EIF4B: variants seen among roughly 807,000 people sequenced by gnomAD.
The protein encoded by EIF4B is eukaryotic translation initiation factor 4B.
EIF4B carries 8 observed loss-of-function variants against 79.3 expected under a neutral mutation model. That is an observed-to-expected ratio of 0.10 (90% CI 0.06 to 0.18). EIF4B has a LOEUF of 0.18. EIF4B is among the 10% of genes least tolerant of loss of function. The probability of loss-of-function intolerance (pLI) is 1.00; values close to 1 mark genes in which losing one functional copy is unlikely to be tolerated. For missense variants in EIF4B, 515 were observed against 792.4 expected, an observed-to-expected ratio of 0.65 and a Z score of 4.20; for synonymous variants, 238 against 274.7, an observed-to-expected ratio of 0.87 and a Z score of 1.32.
At chr12:53,025,306 C>T (rs1266946587) in intron 6 of EIF4B, 2 of 450,348 alleles carry the variant, frequency 4.4e-6, no homozygotes, top group Non-Finnish European at 8.9e-6. Flanking sequence ...ACTTTTCTCA[C>T]CTGAAACCTT....
chr12:53,020,615 T>C (rs1943232996), intron 4 of EIF4B, among the ~76,000 whole-genome samples: 1 of 152,134 alleles, frequency 6.6e-6, no homozygotes, highest in South Asian at 2.1e-4. Flanking sequence ...CTCCTTTAAC[T>C]CCAAAAACAC....
chr12:53,038,778 C>T, intron 12 of EIF4B: 1 of 164,148 alleles, frequency 6.1e-6, no homozygotes, highest in Admixed American at 6.3e-5. Flanking sequence ...GATGGCCCCA[C>T]TGCACTCCAG....
intron 8 of EIF4B, among the ~76,000 whole-genome samples, chr12:53,031,085 G>T (rs1943436393): frequency 6.6e-6 from 1 of 152,008 alleles, no homozygotes; most frequent in African/African-American, 2.4e-5. Flanking sequence ...CCACGTTACT[G>T]GCCATTGCCT....
intron 6 of EIF4B, chr12:53,025,376 C>G (rs1479740440): frequency 2.6e-6 from 1 of 377,746 alleles, no homozygotes; most frequent in Non-Finnish European, 5.2e-6. Context: ...CAAAGCTGCC[C>G]CAAAGTCAAC....
At chr12:53,014,406 C>CCCT (rs1943115364) in intron 1 of EIF4B, among the ~76,000 whole-genome samples, 2 of 150,034 alleles carry the variant, frequency 1.3e-5, no homozygotes, top group South Asian at 4.2e-4. Flanking sequence ...AAGCGAGACT[C>CCCT]CGTCTCAAAA....
intron 6 of EIF4B, among the ~76,000 whole-genome samples, chr12:53,024,803 G>A (rs541212916): frequency 4.0e-5 from 6 of 151,896 alleles, no homozygotes; most frequent in Non-Finnish European, 7.4e-5. Context: ...TTACAGATGC[G>A]CACCACCACA....
rs776528862 is a variant in EIF4B, at chr12:53,040,274, C to T, written c.*51C>T. 37 of 1,497,660 alleles carry T rather than the reference C, an allele frequency of 2.5e-5. No individual in the cohort carries two copies. The highest frequency in any genetic ancestry group is 8.5e-5 in the Admixed American group (5 of 58,512). The allele number at this position is 1,497,660 out of a possible 1,614,324, so 92.8% of individuals were successfully genotyped here. A position where few individuals can be genotyped will look rare whatever the true frequency, so the allele number is the denominator to read the frequency against. On this transcript the variant is annotated 3_prime_UTR_variant, in exon 15 of 15. Transcript: ENST00000262056. ...TAGTTTCTCTCCACCCTGGAACATT[C>T]GAGAGCAAATCAAAACCTCTATCCA...
In EIF4B at chr12:53,018,238, T is replaced by C. The variant is rs142230737; in HGVS notation, c.152-560T>C. On this transcript the variant is annotated intron_variant, in intron 2 of 14. Transcript: ENST00000262056. ...ACCTGACCTCAGGTGATCACCCACC[T>C]TGGCCTCCCGAAGTGTTGGGATTAT... 2.6e-5 allele frequency among the ~76,000 whole-genome samples: 4 copies of C among 152,326 alleles called. No homozygotes were observed. The East Asian group carries it at 7.7e-4, about 29-fold the overall frequency.
intron 14 of EIF4B, 93 bp from the exon 15 acceptor site, chr12:53,040,050 T>TC: frequency 7.1e-7 from 1 of 1,400,730 alleles, no homozygotes; most frequent in Non-Finnish European, 1.0e-6. Flanking sequence ...CTGACTGTCA[T>TC]CCCCCATTGC....
chr12:53,028,812 T>G (rs540160112), intron 8 of EIF4B, among the ~76,000 whole-genome samples: 1 of 152,184 alleles, frequency 6.6e-6, no homozygotes, highest in African/African-American at 2.4e-5. Context: ...TAGCCCATAA[T>G]TGGTACTATG....
At chr12:53,021,255 A>G (rs187179447) in intron 4 of EIF4B, among the ~76,000 whole-genome samples, 26 of 152,310 alleles carry the variant, frequency 1.7e-4, no homozygotes, top group Admixed American at 1.2e-3. Flanking sequence ...GCTTTATGCA[A>G]TTTTGCTGGT....
chr12:53,022,384 G>A (rs1464317790), intron 5 of EIF4B, 109 bp from the exon 6 acceptor site: 25 of 1,477,296 alleles, frequency 1.7e-5, no homozygotes, highest in Non-Finnish European at 2.2e-5. Context: ...GGATGACAGT[G>A]TGACGTGAAA....
rs139986101 is a variant in EIF4B at position 53,014,381 on chromosome 12, C to G, written c.14-2092C>G. ...TGAACTGAGATCGCGCCACTGCACT[C>G]CAGCCTGTATGACAAAGCGAGACTC... On this transcript the variant is annotated intron_variant, in intron 1 of 14. Coordinates refer to ENST00000262056, the MANE Select transcript of EIF4B (RefSeq NM_001417.7). 6.8e-3 allele frequency among the ~76,000 whole-genome samples: 1,026 copies of G among 151,458 alleles called. 12 individuals are homozygous for G. Among genetic ancestry groups the G allele is most frequent in the African/African-American group, 0.023 (968 of 41,210 alleles).
At chr12:53,030,187 T>G (rs1251337569) in intron 8 of EIF4B, among the ~76,000 whole-genome samples, 1 of 28,546 alleles carries the variant, frequency 3.5e-5, no homozygotes, top group African/African-American at 5.2e-5. Context: ...TCATTTCAGC[T>G]TGGGCAACAT....
intron 6 of EIF4B, among the ~76,000 whole-genome samples, 198 bp downstream of exon 6, chr12:53,022,825 C>T (rs765896322): frequency 7.9e-5 from 12 of 152,002 alleles, no homozygotes; most frequent in African/African-American, 2.7e-4. Context: ...TTTTTGAAAA[C>T]TTAACCAAAC....
chr12:53,009,225 A>T (rs903488905), intron 1 of EIF4B, among the ~76,000 whole-genome samples: 1 of 152,030 alleles, frequency 6.6e-6, no homozygotes, highest in Non-Finnish European at 1.5e-5. Context: ...GTTAACATTT[A>T]AAATGCTTTC....
At chr12:53,011,889 A>G (rs1437979341) in intron 1 of EIF4B, among the ~76,000 whole-genome samples, 1 of 152,226 alleles carries the variant, frequency 6.6e-6, no homozygotes, top group Non-Finnish European at 1.5e-5. Context: ...CTTTTTAACC[A>G]GTTCACATAA....
At chr12:53,019,604 G>T (rs977318750) in intron 3 of EIF4B, among the ~76,000 whole-genome samples, 4 of 149,982 alleles carry the variant, frequency 2.7e-5, no homozygotes, top group Non-Finnish European at 5.9e-5. Flanking sequence ...GACCTCAGAG[G>T]ATCCACCTGC....
intron 8 of EIF4B, among the ~76,000 whole-genome samples, chr12:53,030,410 A>ATTCTTTTTTTTTTTT (rs1943415287): frequency 2.9e-5 from 1 of 34,196 alleles, no homozygotes; most frequent in Non-Finnish European, 9.3e-5. Flanking sequence ...AAAAAATTAT[A>ATTCTTTTTTTTTTTT]TTCTTTTTTT....
Sources: gnomAD v4.1 joint callset for allele counts (sites outside exome capture counted in the v4.1 genomes callset) on GRCh38, gnomAD v4.1.1 for gene constraint, MANE v1.5 for transcripts, NCBI Gene and HGNC (gene_info 2026-07-23, HGNC 2026-07-21) for gene names.